Variants in ZFPM2 observed in about 807,000 individuals in gnomAD.
ZFPM2 encodes zinc finger protein ZFPM2.
In ZFPM2, 20 loss-of-function variants were observed where a neutral mutation model predicts 98.6. The observed-to-expected ratio is 0.20, with a 90% confidence interval of 0.14 to 0.29. The LOEUF is 0.29. Among genes scored for constraint, ZFPM2 ranks in the 10% least tolerant of loss-of-function variants. The pLI is 1.00. For synonymous variants in ZFPM2, 518 were observed against 502.7 expected (o/e 1.03, Z -0.41); for missense variants, 1,310 against 1,388.6 (o/e 0.94, Z 0.90).
intron 1 of ZFPM2, among the ~76,000 whole-genome samples, chr8:105,335,533 T>G (rs1432726449): frequency 6.6e-6 from 1 of 151,768 alleles, no homozygotes; most frequent in Non-Finnish European, 1.5e-5. Flanking sequence ...CCATCAAGAA[T>G]TCTATTCCTA....
chr8:105,380,697 CATATATAATATAT>C (rs1286978930), intron 1 of ZFPM2, among the ~76,000 whole-genome samples: 8 of 10,030 alleles, frequency 8.0e-4, no homozygotes, highest in African/African-American at 2.6e-3. Context: ...TTATATATAA[CATATATAATATAT>C]ATATATATTA....
intron 5 of ZFPM2, among the ~76,000 whole-genome samples, chr8:105,667,868 A>T (rs1817519101): frequency 6.6e-6 from 1 of 152,234 alleles, no homozygotes; most frequent in African/African-American, 2.4e-5. Flanking sequence ...GGATAAATAC[A>T]TACATATTTC....
At chr8:105,570,896 A>G (rs4734879) in intron 4 of ZFPM2, among the ~76,000 whole-genome samples, 47,332 of 152,032 alleles carry the variant, frequency 0.31, 7,600 homozygotes, top group East Asian at 0.41. Flanking sequence ...TGAACTTTTA[A>G]AAAGAATTAT....
At chr8:105,716,782 A>G (rs117661267) in intron 5 of ZFPM2, among the ~76,000 whole-genome samples, 46 of 152,130 alleles carry the variant, frequency 3.0e-4, no homozygotes, top group Non-Finnish European at 4.7e-4. Context: ...TCCTTCCTGT[A>G]GTATATCAAC....
At chr8:105,706,988 C>A (rs1174245294) in intron 5 of ZFPM2, among the ~76,000 whole-genome samples, 1 of 151,932 alleles carries the variant, frequency 6.6e-6, no homozygotes, top group African/African-American at 2.4e-5. Flanking sequence ...TGGCTGTAAT[C>A]CCAGGACTTT....
At chr8:105,447,732 G>A (rs911781122) in intron 3 of ZFPM2, among the ~76,000 whole-genome samples, 4 of 152,062 alleles carry the variant, frequency 2.6e-5, no homozygotes, top group Admixed American at 6.5e-5. Context: ...TAGAGCTGAC[G>A]TCATTTAAGA....
At chr8:105,691,177 G>A (rs1810869798) in intron 5 of ZFPM2, among the ~76,000 whole-genome samples, 1 of 144,768 alleles carries the variant, frequency 6.9e-6, no homozygotes, top group African/African-American at 2.6e-5. Context: ...TGTTCACATA[G>A]TTGCTTCTGA....
intron 2 of ZFPM2, among the ~76,000 whole-genome samples, chr8:105,443,311 T>TGAAAA (rs1812292888): frequency 1.3e-5 from 1 of 74,330 alleles, no homozygotes; most frequent in African/African-American, 1.1e-4. Flanking sequence ...AGACTCCTTC[T>TGAAAA]CAAAAAACAA....
rs556857353 is a variant in ZFPM2 at position 105,408,265 on chromosome 8, G to A, written c.41-10879G>A. 6.6e-5 allele frequency among the ~76,000 whole-genome samples: 10 copies of A among 152,000 alleles called. No homozygotes were observed. In the South Asian group the frequency reaches 2.1e-3, roughly 31 times the overall value. ...CTGTGTCTTTAGACACTCTTTTAATGTGCTAGTATAAAGTAAAAGTCTTTT... is the reference window on the plus strand; with the variant it reads ...CTGTGTCTTTAGACACTCTTTTAATATGCTAGTATAAAGTAAAAGTCTTTT... On this transcript the variant is annotated intron_variant, in intron 1 of 7. Transcript: ENST00000407775.
At chr8:105,658,834 T>C (rs903308517) in intron 5 of ZFPM2, among the ~76,000 whole-genome samples, 4 of 152,188 alleles carry the variant, frequency 2.6e-5, no homozygotes, top group Admixed American at 6.5e-5. Context: ...AAAAGTACTT[T>C]GAAATCCCTG....
chr8:105,737,989 A>G (rs1812119066), intron 5 of ZFPM2, among the ~76,000 whole-genome samples: 1 of 152,062 alleles, frequency 6.6e-6, no homozygotes, highest in Non-Finnish European at 1.5e-5. Context: ...GATGAGGAAA[A>G]AAAAGCAGCT....
chr8:105,732,496 C>T (rs573665750), intron 5 of ZFPM2, among the ~76,000 whole-genome samples: 2 of 151,792 alleles, frequency 1.3e-5, no homozygotes, highest in African/African-American at 2.4e-5. Context: ...ATTCCACATG[C>T]GAACATTCAA....
intron 1 of ZFPM2, among the ~76,000 whole-genome samples, chr8:105,344,075 A>G (rs1044098643): frequency 6.6e-6 from 1 of 152,128 alleles, no homozygotes; most frequent in African/African-American, 2.4e-5. Flanking sequence ...TTATACATCT[A>G]TCAGATCTCA....
At chr8:105,711,926 T>A (rs1291159325) in intron 5 of ZFPM2, among the ~76,000 whole-genome samples, 1 of 152,100 alleles carries the variant, frequency 6.6e-6, no homozygotes, top group Admixed American at 6.6e-5. Flanking sequence ...TATTGTGGTC[T>A]TTTTGTGTAT....
intron 1 of ZFPM2, among the ~76,000 whole-genome samples, chr8:105,334,116 A>G (rs1812282680): frequency 8.3e-6 from 1 of 120,226 alleles, no homozygotes; most frequent in African/African-American, 4.5e-5. Flanking sequence ...GCTAGTAATA[A>G]ACTGTGTGTG....
At chr8:105,519,005 A>G (rs151091431) in intron 3 of ZFPM2, among the ~76,000 whole-genome samples, 1 of 152,196 alleles carries the variant, frequency 6.6e-6, no homozygotes, top group Admixed American at 6.5e-5. Flanking sequence ...TATAGCCAAC[A>G]TATATTTGGT....
At chr8:105,515,643 A>G (rs1325174294) in intron 3 of ZFPM2, among the ~76,000 whole-genome samples, 6 of 152,186 alleles carry the variant, frequency 3.9e-5, no homozygotes, top group Admixed American at 2.0e-4. Flanking sequence ...ATTATGGTTT[A>G]CAGAAGTAAA....
At chr8:105,563,275 G>T (rs975040520) in intron 4 of ZFPM2, among the ~76,000 whole-genome samples, 1 of 151,842 alleles carries the variant, frequency 6.6e-6, no homozygotes, top group Non-Finnish European at 1.5e-5. Flanking sequence ...GTACCATGTG[G>T]ATGTGACAGA....
At chr8:105,323,120 G>A (rs923202140) in intron 1 of ZFPM2, among the ~76,000 whole-genome samples, 2 of 151,468 alleles carry the variant, frequency 1.3e-5, no homozygotes, top group African/African-American at 4.8e-5. Flanking sequence ...ATTTTTCATT[G>A]TTCTATGGGT....
Sources: gnomAD v4.1 joint callset for allele counts (sites outside exome capture counted in the v4.1 genomes callset) on GRCh38, gnomAD v4.1.1 for gene constraint, MANE v1.5 for transcripts, NCBI Gene and HGNC (gene_info 2026-07-23, HGNC 2026-07-21) for gene names.